Variants in SH3RF3 observed in about 807,000 individuals in gnomAD.
SH3RF3 encodes the protein E3 ubiquitin-protein ligase SH3RF3.
A neutral mutation model predicts 66.3 loss-of-function variants in SH3RF3; 29 were observed. That is an observed-to-expected ratio of 0.44 (90% confidence interval 0.33 to 0.60). The LOEUF (loss-of-function observed/expected upper bound fraction) is 0.60, where lower values mean the gene tolerates loss of function less well. Among genes scored for constraint, SH3RF3 ranks in the 20% least tolerant of loss-of-function variants. SH3RF3 has a pLI of 0.04. For synonymous variants in SH3RF3, 583 were observed against 532.0 expected (o/e 1.10, Z -1.32); for missense variants, 1,194 against 1,190.9 (o/e 1.00, Z -0.04).
chr2:109,278,801 T>C (rs1680817875), intron 1 of SH3RF3, among the ~76,000 whole-genome samples: 1 of 152,162 alleles, frequency 6.6e-6, no homozygotes, highest in African/African-American at 2.4e-5. Flanking sequence ...TGTATCTTGT[T>C]TGTGGGTATT....
chr2:109,193,611 T>C (rs1678423281), intron 1 of SH3RF3, among the ~76,000 whole-genome samples: 1 of 152,164 alleles, frequency 6.6e-6, no homozygotes, highest in South Asian at 2.1e-4. Context: ...TAGTATTCTG[T>C]TGTATGGATG....
At position 109,129,572 on chromosome 2, in the gene SH3RF3, C is replaced by T; in HGVS notation, c.32C>T (p.Ser11Phe). Residue 11 changes from serine to phenylalanine, a missense_variant, in exon 1 of 10, where the codon TCC becomes TTC. Coordinates refer to ENST00000309415, the MANE Select transcript of SH3RF3 (RefSeq NM_001099289.3). Reference sequence around the variant, plus strand: ...CTCGGAGCGTCCTGGCTGTGCGCATCCAAGGCGGCCGCCGCTGCTGCGCAG... The same window carrying T: ...CTCGGAGCGTCCTGGCTGTGCGCATTCAAGGCGGCCGCCGCTGCTGCGCAG... MLLGASWLCA[S>F]KAAAAAAQSE... The T allele has an allele frequency of 2.0e-6, 3 of 1,487,064 alleles. No homozygotes were observed. The highest frequency in any genetic ancestry group is 2.7e-6 in the Non-Finnish European group (3 of 1,127,144). 92.1% of individuals were successfully genotyped at this position (1,487,064 alleles called of 1,614,324 possible). A position where few individuals can be genotyped will look rare whatever the true frequency, so the allele number is the denominator to read the frequency against.
intron 1 of SH3RF3, among the ~76,000 whole-genome samples, chr2:109,157,930 C>T (rs554416300): frequency 6.6e-6 from 1 of 152,198 alleles, no homozygotes; most frequent in Non-Finnish European, 1.5e-5. Flanking sequence ...ATTTGCAGGC[C>T]GCTAATACAA....
chr2:109,375,178 C>T (rs1317468996), intron 3 of SH3RF3, among the ~76,000 whole-genome samples: 4 of 152,268 alleles, frequency 2.6e-5, no homozygotes, highest in Admixed American at 6.5e-5. Flanking sequence ...GGGCACTGAC[C>T]CCATCTGTGC....
At chr2:109,157,988 C>T (rs1042686629) in intron 1 of SH3RF3, among the ~76,000 whole-genome samples, 1 of 152,140 alleles carries the variant, frequency 6.6e-6, no homozygotes, top group Non-Finnish European at 1.5e-5. Context: ...AGTAAGTAAC[C>T]CTCCTTGAGC....
chr2:109,217,884 C>T (rs1399112066), intron 1 of SH3RF3, among the ~76,000 whole-genome samples: 2 of 152,162 alleles, frequency 1.3e-5, no homozygotes, highest in Non-Finnish European at 2.9e-5. Context: ...TCTGTTGTGG[C>T]CTGGCACAAG....
intron 4 of SH3RF3, among the ~76,000 whole-genome samples, chr2:109,404,954 GT>G (rs774170839): frequency 1.3e-5 from 2 of 151,716 alleles, no homozygotes; most frequent in Non-Finnish European, 2.9e-5. Flanking sequence ...GTGGAGCCCC[GT>G]CCTGGCCCCT....
At chr2:109,247,718 A>G (rs1314039952) in intron 1 of SH3RF3, among the ~76,000 whole-genome samples, 1 of 152,212 alleles carries the variant, frequency 6.6e-6, no homozygotes, top group Non-Finnish European at 1.5e-5. Context: ...TTTTCCCTGT[A>G]TCAGTTAGGA....
intron 1 of SH3RF3, among the ~76,000 whole-genome samples, chr2:109,134,068 A>C (rs1252890099): frequency 6.6e-6 from 1 of 152,172 alleles, no homozygotes. Context: ...TATATACCCG[A>C]GATTTTCTGT....
intron 3 of SH3RF3, among the ~76,000 whole-genome samples, chr2:109,397,366 A>C (rs539300512): frequency 6.6e-6 from 1 of 152,252 alleles, no homozygotes; most frequent in South Asian, 2.1e-4. Flanking sequence ...GCCTGATGGC[A>C]TTTGCCTAAC....
chr2:109,459,241 C>G (rs1489338495), intron 8 of SH3RF3, among the ~76,000 whole-genome samples: 1 of 152,152 alleles, frequency 6.6e-6, no homozygotes, highest in East Asian at 1.9e-4. Context: ...TATACACATT[C>G]ACACAGACAT....
intron 1 of SH3RF3, among the ~76,000 whole-genome samples, chr2:109,326,223 C>G (rs1371117751): frequency 6.6e-6 from 1 of 152,162 alleles, no homozygotes; most frequent in African/African-American, 2.4e-5. Flanking sequence ...TTCTTCCACC[C>G]AACAAGGAAT....
At chr2:109,266,251 G>A (rs1449468850) in intron 1 of SH3RF3, among the ~76,000 whole-genome samples, 3 of 150,692 alleles carry the variant, frequency 2.0e-5, no homozygotes, top group Non-Finnish European at 4.4e-5. Context: ...TGTGTGTGCT[G>A]TGTGTGTTGT....
intron 1 of SH3RF3, among the ~76,000 whole-genome samples, chr2:109,305,031 C>T (rs1681558517): frequency 6.6e-6 from 1 of 152,152 alleles, no homozygotes; most frequent in African/African-American, 2.4e-5. Flanking sequence ...ACTGGTACTT[C>T]CCCAGCCTGG....
chr2:109,406,398 GC>G (rs1220463075), intron 4 of SH3RF3, among the ~76,000 whole-genome samples: 1 of 152,124 alleles, frequency 6.6e-6, no homozygotes, highest in Non-Finnish European at 1.5e-5. Flanking sequence ...GCTCTGGAGT[GC>G]CCAGGTCCAT....
At chr2:109,231,852 G>A (rs11894825) in intron 1 of SH3RF3, among the ~76,000 whole-genome samples, 21,580 of 152,122 alleles carry the variant, frequency 0.14, 2,862 homozygotes, top group African/African-American at 0.33. Context: ...TTGCCATTAA[G>A]AAAAACAGCT....
chr2:109,370,188 G>A (rs1425685792), intron 2 of SH3RF3, among the ~76,000 whole-genome samples: 6 of 143,716 alleles, frequency 4.2e-5, no homozygotes, highest in Non-Finnish European at 9.1e-5. Flanking sequence ...CATTGCTGTG[G>A]TGGTCTCTGT....
chr2:109,145,075 C>T (rs1029337258), intron 1 of SH3RF3, among the ~76,000 whole-genome samples: 1 of 152,212 alleles, frequency 6.6e-6, no homozygotes, highest in African/African-American at 2.4e-5. Context: ...GTTAAGGGCC[C>T]TCTTACGGGG....
chr2:109,281,461 G>A (rs1029309239), intron 1 of SH3RF3, among the ~76,000 whole-genome samples: 2 of 152,190 alleles, frequency 1.3e-5, no homozygotes, highest in Admixed American at 1.3e-4. Context: ...CGCACAGCAC[G>A]TGTACTGGAG....
Sources: gnomAD v4.1 joint callset for allele counts (sites outside exome capture counted in the v4.1 genomes callset) on GRCh38, gnomAD v4.1.1 for gene constraint, MANE v1.5 for transcripts, NCBI Gene and HGNC (gene_info 2026-07-23, HGNC 2026-07-21) for gene names.